NCKAP5: variants seen among roughly 807,000 people sequenced by gnomAD.
NCKAP5 encodes NCK associated protein 5.
A neutral mutation model predicts 167.0 loss-of-function variants in NCKAP5; 92 were observed. That is an observed-to-expected ratio of 0.55 (90% confidence interval 0.47 to 0.66). NCKAP5 has a LOEUF of 0.66. Among genes scored for constraint, NCKAP5 ranks in the 30% least tolerant of loss-of-function variants. The pLI is 0.00. For synonymous variants in NCKAP5, 891 were observed against 877.4 expected, an observed-to-expected ratio of 1.02 and a Z score of -0.27; for missense variants, 2,378 against 2,315.0, an observed-to-expected ratio of 1.03 and a Z score of -0.56.
the NCKAP5 span, among the ~76,000 whole-genome samples, chr2:133,635,264 AAT>A: frequency 2.4e-4 from 36 of 152,216 alleles, no homozygotes; most frequent in Admixed American, 2.0e-3. Context: ...AAGCTGATGT[AAT>A]CATGCAGTCT....
At chr2:133,456,174 T>C (rs1357223587) in intron 3 of NCKAP5, among the ~76,000 whole-genome samples, 1 of 152,196 alleles carries the variant, frequency 6.6e-6, no homozygotes, top group Non-Finnish European at 1.5e-5. Flanking sequence ...TAAATTTTCA[T>C]TGTTGCTTTT....
the NCKAP5 span, among the ~76,000 whole-genome samples, chr2:133,608,682 T>C: frequency 6.6e-6 from 1 of 152,210 alleles, no homozygotes; most frequent in East Asian, 1.9e-4. Flanking sequence ...TAATCAATAA[T>C]AGAGGCGAGT....
At chr2:133,533,342 C>A (rs561754411) in intron 2 of NCKAP5, among the ~76,000 whole-genome samples, 2 of 152,328 alleles carry the variant, frequency 1.3e-5, no homozygotes, top group African/African-American at 2.4e-5. Flanking sequence ...TATGTAAAAT[C>A]TCTCAATGTT....
the NCKAP5 span, among the ~76,000 whole-genome samples, chr2:133,582,396 T>C: frequency 3.3e-5 from 5 of 152,322 alleles, no homozygotes; most frequent in African/African-American, 1.2e-4. Context: ...TGAGGATTGC[T>C]CTGGAGAATT....
intron 8 of NCKAP5, among the ~76,000 whole-genome samples, chr2:132,939,403 T>C (rs1046197081): frequency 2.6e-5 from 4 of 152,130 alleles, no homozygotes; most frequent in African/African-American, 9.7e-5. Context: ...GATAATACGA[T>C]GGGTAGGGTG....
chr2:133,136,726 A>G (rs2082799639), intron 5 of NCKAP5, among the ~76,000 whole-genome samples: 1 of 152,214 alleles, frequency 6.6e-6, no homozygotes, highest in African/African-American at 2.4e-5. Flanking sequence ...GAGAAGGACA[A>G]AGGGATTCAA....
At position 132,860,614 on chromosome 2, in the gene NCKAP5, A is replaced by G; in HGVS notation, c.688-3T>C. On this transcript the variant is annotated splice_region_variant and splice_polypyrimidine_tract_variant and intron_variant, in intron 10 of 19. Transcript: ENST00000409261. ...TTCACACATTCCTCTCTTAGATCCT[A>G]CAACAAACACATCGAAGGAGGAAAA... 1 of 1,565,668 alleles carries G rather than the reference A, an allele frequency of 6.4e-7. No homozygotes were observed. The highest frequency in any genetic ancestry group is 1.2e-5 in the South Asian group (1 of 84,980).
At position 132,842,740 on chromosome 2, in the gene NCKAP5, T is replaced by G. The variant is rs187359238; in HGVS notation, c.807+17752A>C. ...TTTTCTTTTTCATTTTTTTTTCACT[T>G]TGTTGCCTAGGTTGATCTTGAACTC... On this transcript the variant is annotated intron_variant, in intron 11 of 19. Transcript: ENST00000409261. Among the ~76,000 whole-genome samples, 110 of 152,050 alleles carry G rather than the reference T, an allele frequency of 7.2e-4. No individual in the cohort carries two copies. The Middle Eastern group carries it at 0.014, about 19-fold the overall frequency.
chr2:132,884,085 A>G (rs1692016290), intron 8 of NCKAP5, among the ~76,000 whole-genome samples: 1 of 152,172 alleles, frequency 6.6e-6, no homozygotes, highest in Admixed American at 6.5e-5. Flanking sequence ...TTCAGGTTAC[A>G]GTTTTGATCC....
intron 4 of NCKAP5, among the ~76,000 whole-genome samples, chr2:133,220,348 G>A (rs1047761867): frequency 2.0e-5 from 3 of 152,166 alleles, no homozygotes; most frequent in Middle Eastern, 3.4e-3. Flanking sequence ...AAATACAAAC[G>A]ATGAAACAAG....
Position 133,123,590 on chromosome 2 carries a change from G to A in NCKAP5, c.341+6388C>T, listed in dbSNP as rs113759723. 4.7e-4 allele frequency: 130 copies of A among 277,808 alleles called. 1 individual carries two copies. Among genetic ancestry groups the A allele is most frequent in the African/African-American group, 2.4e-3 (111 of 45,818 alleles). The allele number at this position is 277,808 out of a possible 1,614,324, so 17.2% of individuals were successfully genotyped here. The stretch of plus-strand genomic sequence containing the variant: ...CTCAGGCAGAAATATTGCTGATGAT[G>A]TGGAAATAGCAATTCCAAATCAACA... On this transcript the variant is annotated intron_variant, in intron 6 of 19. Transcript: ENST00000409261.
chr2:132,893,022 A>C (rs1692847934), intron 8 of NCKAP5, among the ~76,000 whole-genome samples: 2 of 151,404 alleles, frequency 1.3e-5, no homozygotes, highest in African/African-American at 4.8e-5. Flanking sequence ...AAAACCAGAA[A>C]GGAAAAAAGC....
At chr2:133,492,073 T>C (rs116750190) in intron 3 of NCKAP5, among the ~76,000 whole-genome samples, 187 of 151,642 alleles carry the variant, frequency 1.2e-3, no homozygotes, top group Non-Finnish European at 2.1e-3. Flanking sequence ...GCATGCTTGC[T>C]CCCATCTCTG....
chr2:133,583,127 AT>A, the NCKAP5 span, among the ~76,000 whole-genome samples: 28,790 of 152,056 alleles, frequency 0.19, 2,962 homozygotes, highest in Non-Finnish European at 0.22. Context: ...TGATAAAAAA[AT>A]ATATATATGA....
rs531307970 is a variant in NCKAP5, at chr2:133,386,281, A to G, written c.70-83171T>C. ...CTGGTTGGTTTCAAAGAACATTTTT[A>G]TTTCTGCCTTCATTTCATTACGTAC... On this transcript the variant is annotated intron_variant, in intron 3 of 19. Transcript: ENST00000409261. Among the ~76,000 whole-genome samples the G allele has an allele frequency of 3.3e-5, 5 of 152,260 alleles. No individual in the cohort carries two copies. The East Asian group carries it at 9.7e-4, about 29-fold the overall frequency.
intron 1 of NCKAP5, among the ~76,000 whole-genome samples, chr2:133,562,511 C>T (rs540280286): frequency 2.6e-5 from 4 of 152,294 alleles, no homozygotes; most frequent in Admixed American, 6.5e-5. Flanking sequence ...CTTTATGGAG[C>T]GGTTTGTCAG....
intron 9 of NCKAP5, among the ~76,000 whole-genome samples, chr2:132,872,061 C>T (rs1690866965): frequency 1.3e-5 from 2 of 152,222 alleles, no homozygotes; most frequent in African/African-American, 4.8e-5. Context: ...GAACAAATCA[C>T]TTCCAATGTC....
chr2:133,385,385 C>T (rs1418197930), intron 3 of NCKAP5, among the ~76,000 whole-genome samples: 2 of 152,156 alleles, frequency 1.3e-5, no homozygotes, highest in Admixed American at 1.3e-4. Flanking sequence ...CCTTGCATCC[C>T]AGGGATGAAG....
At chr2:133,344,327 G>C (rs1030053971) in intron 3 of NCKAP5, among the ~76,000 whole-genome samples, 2 of 150,386 alleles carry the variant, frequency 1.3e-5, no homozygotes, top group South Asian at 4.2e-4. Flanking sequence ...AGAATTTTTT[G>C]AACCTGGGAG....
Sources: allele counts gnomAD v4.1 joint callset (sites outside exome capture counted in the v4.1 genomes callset), GRCh38; gene constraint gnomAD v4.1.1; transcripts MANE v1.5; gene names NCBI Gene and HGNC (gene_info 2026-07-23, HGNC 2026-07-21).